Variants in GKN1 observed in about 807,000 individuals in gnomAD.
The protein encoded by GKN1 is gastrokine 1, also known as gastrokine-1.
A neutral mutation model predicts 19.7 loss-of-function variants in GKN1; 17 were observed. The ratio of observed to expected loss-of-function variants is 0.86; its 90% CI spans 0.59 to 1.29. The LOEUF is 1.29. Among genes scored for constraint, GKN1 ranks in the 50% most tolerant of loss-of-function variants. The pLI is 0.00. For missense variants in GKN1, 218 were observed against 224.5 expected (o/e 0.97, Z 0.19); for synonymous variants, 96 against 78.3 (o/e 1.23, Z -1.20).
rs1558715089 is a variant in GKN1, at chr2:68,977,793, A to G, written c.204+19A>G. 1 of 1,579,842 alleles carries G rather than the reference A, an allele frequency of 6.3e-7. No homozygotes were observed. The highest frequency in any genetic ancestry group is 2.2e-5 in the East Asian group (1 of 44,538). Reference sequence around the variant, plus strand: ...TGGAAATGTAGGTAGTCAACGTGCAATTTTCACTTTATTGTTTAAAAATAC... The same window carrying G: ...TGGAAATGTAGGTAGTCAACGTGCAGTTTTCACTTTATTGTTTAAAAATAC... On this transcript the variant is annotated intron_variant, in intron 3 of 5. Coordinates refer to ENST00000377938, the MANE Select transcript of GKN1 (RefSeq NM_019617.4).
chr2:68,975,188 G>A (rs1471269932), intron 1 of GKN1, among the ~76,000 whole-genome samples: 1 of 151,980 alleles, frequency 6.6e-6, no homozygotes, highest in South Asian at 2.1e-4. Flanking sequence ...AGAAAGTGCC[G>A]ATCATCCCTC....
intron 1 of GKN1, among the ~76,000 whole-genome samples, chr2:68,975,265 T>A (rs779589933): frequency 2.0e-5 from 3 of 152,158 alleles, no homozygotes; most frequent in Non-Finnish European, 4.4e-5. Flanking sequence ...AAAAGCTTAT[T>A]ATCAAAATAA....
intron 4 of GKN1, 38 bp downstream of exon 4, chr2:68,979,019 A>G (rs906769860): frequency 3.1e-6 from 3 of 958,256 alleles, no homozygotes; most frequent in African/African-American, 1.6e-5. Context: ...GTGAGGGGAG[A>G]GGTTTTACAT....
In GKN1 at chr2:68,978,873, C is replaced by G. The variant is rs746078088; in HGVS notation, c.207C>G (p.Gly69=). ...CTATTTGCCATCTACTTTAACAGGG[C>G]TTTGCTGCAACCAGACTCTTTCAAA... ...SWNSIWDYGN[G]FAATRLFQKK... is the part of the protein sequence containing the mutation. The change falls in exon 4 of 6, where the codon GGC becomes GGG. Residue 69 remains glycine (G), a splice_region_variant and synonymous_variant. Coordinates refer to ENST00000377938, the MANE Select transcript of GKN1 (RefSeq NM_019617.4). 1 of 1,588,788 alleles carries G rather than the reference C, an allele frequency of 6.3e-7. No homozygotes were observed. The highest frequency in any genetic ancestry group is 1.1e-5 in the South Asian group (1 of 89,718).
chr2:68,980,836 A>T lies in GKN1; in HGVS notation c.*13A>T. The T allele has an allele frequency of 5.5e-6, 7 of 1,274,140 alleles. No individual in the cohort carries two copies. The highest frequency in any genetic ancestry group is 6.9e-6 in the Non-Finnish European group (6 of 869,484). The allele number at this position is 1,274,140 out of a possible 1,614,324, so 78.9% of individuals were successfully genotyped here. On this transcript the variant is annotated 3_prime_UTR_variant, in exon 6 of 6. Transcript: ENST00000377938. ...GGTGGAGAACTAAACAATTTTTTAA[A>T]GCCACTATGGATTTAGTCATCTGAA... is the stretch of plus-strand genomic sequence containing the variant.
At chr2:68,980,333 CCAAG>C (rs1426578606) in intron 5 of GKN1, among the ~76,000 whole-genome samples, 1 of 152,146 alleles carries the variant, frequency 6.6e-6, no homozygotes, top group Non-Finnish European at 1.5e-5. Flanking sequence ...TGGGTCAATT[CCAAG>C]CATTTTGGCT....
chr2:68,978,830 C>A, intron 3 of GKN1, 41 bp from the exon 4 acceptor site: 1 of 1,106,090 alleles, frequency 9.0e-7, no homozygotes, highest in African/African-American at 1.6e-5. Flanking sequence ...AAAAGCTCCT[C>A]GGAGAACACA....
chr2:68,975,385 A>T (rs547872437), intron 1 of GKN1, among the ~76,000 whole-genome samples: 1 of 152,294 alleles, frequency 6.6e-6, no homozygotes, highest in African/African-American at 2.4e-5. Context: ...AGCATCTGAA[A>T]CATGAAGCTA....
chr2:68,977,822 TTC>T (rs1274205597), intron 3 of GKN1, 48 bp downstream of exon 3: 2 of 1,462,972 alleles, frequency 1.4e-6, no homozygotes, highest in South Asian at 2.3e-5. Flanking sequence ...AAAATACGAT[TTC>T]TTTTTAACAA....
chr2:68,979,561 T>A (rs1670328039), intron 4 of GKN1, among the ~76,000 whole-genome samples: 1 of 152,188 alleles, frequency 6.6e-6, no homozygotes. Context: ...TACCTTTCAT[T>A]GACAAGGTAG....
intron 5 of GKN1, among the ~76,000 whole-genome samples, 175 bp downstream of exon 5, chr2:68,980,235 G>C (rs1369384414): frequency 6.6e-6 from 1 of 152,174 alleles, no homozygotes; most frequent in Non-Finnish European, 1.5e-5. Context: ...TGTTAACTCG[G>C]TTCTTCACAG....
chr2:68,980,652 C>A, intron 5 of GKN1, 77 bp from the exon 6 acceptor site: 1 of 764,980 alleles, frequency 1.3e-6, no homozygotes. Context: ...TTTGGAAACC[C>A]CTACTCCCCC....
intron 1 of GKN1, among the ~76,000 whole-genome samples, chr2:68,976,891 A>G (rs1670269668): frequency 3.3e-5 from 5 of 152,174 alleles, no homozygotes; most frequent in Admixed American, 3.3e-4. Flanking sequence ...ATTACATAAT[A>G]TAATTCAACA....
At chr2:68,975,143 C>T (rs181510474) in intron 1 of GKN1, among the ~76,000 whole-genome samples, 36 of 152,180 alleles carry the variant, frequency 2.4e-4, no homozygotes, top group East Asian at 5.8e-4. Flanking sequence ...CACCTGATTC[C>T]GGTCTCCATG....
At chr2:68,979,028 A>G (rs1003757408) in intron 4 of GKN1, 47 bp downstream of exon 4, 1 of 866,618 alleles carries the variant, frequency 1.2e-6, no homozygotes, top group Admixed American at 1.8e-5. Flanking sequence ...GAGGTTTTAC[A>G]TCCTTCAGTA....
At position 68,977,733 on chromosome 2, in the gene GKN1, A is replaced by G; in HGVS notation, c.163A>G (p.Asn55Asp). The G allele has an allele frequency of 3.7e-6, 6 of 1,611,554 alleles. No individual in the cohort carries two copies. The highest frequency in any genetic ancestry group is 1.3e-5 in the African/African-American group (1 of 75,014). Reference sequence around the variant, plus strand: ...CAATGTGGCCAATGTTGACAATAACAACGGATGGGACTCCTGGAATTCCAT... The same window carrying G: ...CAATGTGGCCAATGTTGACAATAACGACGGATGGGACTCCTGGAATTCCAT... ...EHNVANVDNN[N>D]GWDSWNSIWD... Residue 55 changes from asparagine (N) to aspartate (D), a missense_variant, in exon 3 of 6, where the codon AAC (asparagine) becomes GAC (aspartate). By Grantham distance (23) the Asn-to-Asp change is conservative. Transcript: ENST00000377938.
intron 1 of GKN1, 83 bp downstream of exon 1, chr2:68,974,772 T>C (rs1009415848): frequency 4.4e-6 from 4 of 905,060 alleles, no homozygotes; most frequent in East Asian, 4.8e-5. Flanking sequence ...CTGCTTCTTA[T>C]GGCCCCATCA....
At chr2:68,978,726 T>G (rs1670314259) in intron 3 of GKN1, 145 bp from the exon 4 acceptor site, 1 of 562,252 alleles carries the variant, frequency 1.8e-6, no homozygotes, top group Admixed American at 3.3e-5. Flanking sequence ...TAGATATGAT[T>G]GCCAAGCAGT....
At chr2:68,975,847 C>T (rs1670256006) in intron 1 of GKN1, among the ~76,000 whole-genome samples, 1 of 152,078 alleles carries the variant, frequency 6.6e-6, no homozygotes, top group Non-Finnish European at 1.5e-5. Flanking sequence ...TTTTTAACTC[C>T]TTTTTAAGCT....
Sources: gnomAD v4.1 joint callset for allele counts (sites outside exome capture counted in the v4.1 genomes callset) on GRCh38, gnomAD v4.1.1 for gene constraint, MANE v1.5 for transcripts, NCBI Gene and HGNC (gene_info 2026-07-23, HGNC 2026-07-21) for gene names.